The following RSU1 variants were observed in gnomAD, a reference collection of about 807,000 sequenced individuals.
RSU1 encodes Ras suppressor protein 1.
In RSU1, 26 loss-of-function variants were observed where a neutral mutation model predicts 31.1. The observed-to-expected ratio is 0.84, with a 90% CI of 0.61 to 1.16. The LOEUF is 1.16. RSU1 is among the 50% of genes most tolerant of loss of function. The probability of loss-of-function intolerance (pLI) is 0.00; values close to 1 mark genes in which losing one functional copy is unlikely to be tolerated. For synonymous variants in RSU1, 164 were observed against 136.3 expected (o/e 1.20, Z -1.41); for missense variants, 320 against 339.1 (o/e 0.94, Z 0.44).
At chr10:16,756,974 T>G (rs1368358969) in intron 4 of RSU1, among the ~76,000 whole-genome samples, 1 of 149,594 alleles carries the variant, frequency 6.7e-6, no homozygotes, top group African/African-American at 2.5e-5. Context: ...GGTATGAGTG[T>G]GGTGTGGTGT....
intron 3 of RSU1, among the ~76,000 whole-genome samples, chr10:16,768,248 G>C (rs930346604): frequency 9.2e-5 from 14 of 152,112 alleles, no homozygotes; most frequent in Non-Finnish European, 1.9e-4. Context: ...AAATAAGAAG[G>C]CTGGATTATG....
chr10:16,656,815 T>C (rs1834788814), intron 8 of RSU1, among the ~76,000 whole-genome samples: 1 of 152,146 alleles, frequency 6.6e-6, no homozygotes, highest in Non-Finnish European at 1.5e-5. Flanking sequence ...TTTAAGAAAA[T>C]GGTTTTGAAA....
At chr10:16,758,383 A>G (rs1203725544) in intron 4 of RSU1, among the ~76,000 whole-genome samples, 2 of 152,126 alleles carry the variant, frequency 1.3e-5, no homozygotes, top group African/African-American at 2.4e-5. Flanking sequence ...ATCTCCATCC[A>G]TCCACATTTT....
At chr10:16,716,196 T>C (rs1238566268) in intron 7 of RSU1, among the ~76,000 whole-genome samples, 4 of 152,136 alleles carry the variant, frequency 2.6e-5, no homozygotes, top group African/African-American at 4.8e-5. Context: ...CGGGTCTAGA[T>C]AGGGCATCAG....
intron 8 of RSU1, among the ~76,000 whole-genome samples, chr10:16,692,927 T>C (rs767199741): frequency 3.9e-5 from 6 of 152,202 alleles, no homozygotes; most frequent in Non-Finnish European, 8.8e-5. Context: ...CGGTATCATT[T>C]TGGCAATTTT....
At chr10:16,770,288 C>T (rs1837397471) in intron 3 of RSU1, among the ~76,000 whole-genome samples, 1 of 152,052 alleles carries the variant, frequency 6.6e-6, no homozygotes, top group Admixed American at 6.5e-5. Flanking sequence ...GTGCAGCCCA[C>T]GGGAGGGTCA....
intron 3 of RSU1, among the ~76,000 whole-genome samples, chr10:16,780,904 C>A (rs537184243): frequency 6.6e-6 from 1 of 152,246 alleles, no homozygotes; most frequent in African/African-American, 2.4e-5. Flanking sequence ...TGCCGTCACT[C>A]TGCCTTTGCC....
At chr10:16,812,789 A>AT (rs1309754416) in intron 2 of RSU1, among the ~76,000 whole-genome samples, 1 of 152,156 alleles carries the variant, frequency 6.6e-6, no homozygotes, top group African/African-American at 2.4e-5. Flanking sequence ...AAACACTTAA[A>AT]TAAGAGAAAT....
rs939827350 is a variant in RSU1, at chr10:16,592,721, A to G, written c.*673T>C. 6.6e-6 allele frequency: 1 copy of G among 151,900 alleles called. No homozygotes were observed. The highest frequency in any genetic ancestry group is 1.5e-5 in the Non-Finnish European group (1 of 67,982). 9.4% of individuals were successfully genotyped at this position (151,900 alleles called of 1,614,324 possible). A position where few individuals can be genotyped will look rare whatever the true frequency, so the allele number is the denominator to read the frequency against. ...TCCTAATTTAGAAAGTCTTCAAAGAAAAAAAAAACTTGACAAATTAATGTG... is the reference window on the plus strand; with the variant it reads ...TCCTAATTTAGAAAGTCTTCAAAGAGAAAAAAAACTTGACAAATTAATGTG... On this transcript the variant is annotated 3_prime_UTR_variant, in exon 9 of 9. Coordinates refer to ENST00000345264, the MANE Select transcript of RSU1 (RefSeq NM_012425.4).
chr10:16,785,606 T>C (rs1011239277), intron 2 of RSU1, among the ~76,000 whole-genome samples: 3 of 151,548 alleles, frequency 2.0e-5, no homozygotes, highest in Middle Eastern at 6.8e-3. Context: ...GCCCCCGTGA[T>C]CCAGTCACCT....
chr10:16,669,182 T>G (rs1243117718), intron 8 of RSU1, among the ~76,000 whole-genome samples: 4 of 152,078 alleles, frequency 2.6e-5, no homozygotes, highest in Non-Finnish European at 5.9e-5. Flanking sequence ...GTGCACAGTG[T>G]GACCTACAAA....
intron 8 of RSU1, among the ~76,000 whole-genome samples, chr10:16,693,168 A>T (rs1247223256): frequency 1.3e-5 from 2 of 152,014 alleles, no homozygotes; most frequent in Non-Finnish European, 2.9e-5. Flanking sequence ...GGCCAGGCTG[A>T]TCTCAAACTC....
rs191370918 is a variant in RSU1, at chr10:16,714,774, G to A, written c.599-19619C>T. On this transcript the variant is annotated intron_variant, in intron 7 of 8. Coordinates refer to ENST00000345264, the MANE Select transcript of RSU1 (RefSeq NM_012425.4). ...AAGAGTCAATTGCTACTGGTGCGCA[G>A]GGCAGGATGCACTCTAGCAGTGGGA... 6.6e-5 allele frequency among the ~76,000 whole-genome samples: 10 copies of A among 152,272 alleles called. No individual in the cohort carries two copies. The East Asian group carries it at 9.7e-4, about 15-fold the overall frequency.
At chr10:16,808,977 C>A (rs564932053) in intron 2 of RSU1, among the ~76,000 whole-genome samples, 164 of 152,286 alleles carry the variant, frequency 1.1e-3, no homozygotes, top group African/African-American at 3.8e-3. Flanking sequence ...GCAGCCAGCC[C>A]TGCTGACACT....
At chr10:16,668,244 A>G (rs1835037651) in intron 8 of RSU1, among the ~76,000 whole-genome samples, 1 of 152,208 alleles carries the variant, frequency 6.6e-6, no homozygotes, top group Non-Finnish European at 1.5e-5. Context: ...TTCTGTTATT[A>G]TCATTATTTG....
At chr10:16,771,543 C>G (rs1243144827) in intron 3 of RSU1, among the ~76,000 whole-genome samples, 1 of 152,086 alleles carries the variant, frequency 6.6e-6, no homozygotes, top group Non-Finnish European at 1.5e-5. Flanking sequence ...AATGATTATA[C>G]ATAAAGAAGA....
intron 8 of RSU1, among the ~76,000 whole-genome samples, chr10:16,606,740 T>G (rs753956255): frequency 1.3e-5 from 2 of 152,210 alleles, no homozygotes; most frequent in Admixed American, 6.5e-5. Flanking sequence ...ATTACACAGA[T>G]CTGGTGTCCC....
At chr10:16,720,291 A>T (rs1836227172) in intron 7 of RSU1, among the ~76,000 whole-genome samples, 1 of 152,246 alleles carries the variant, frequency 6.6e-6, no homozygotes, top group Non-Finnish European at 1.5e-5. Context: ...AGTTTATTAC[A>T]TAAAATATTC....
In RSU1 at chr10:16,692,645, A is replaced by T. The variant is rs184641486; in HGVS notation, c.731+2378T>A. Among the ~76,000 whole-genome samples, 149 of 152,360 alleles carry T rather than the reference A, an allele frequency of 9.8e-4. 1 individual carries two copies. The highest frequency in any genetic ancestry group is 9.3e-3 in the Admixed American group (143 of 15,296). Reference sequence around the variant, plus strand: ...AATGATTAACAATTTACAAAGAAGAAGATAAACAATCATCTGCTAATTTGT... The same window carrying T: ...AATGATTAACAATTTACAAAGAAGATGATAAACAATCATCTGCTAATTTGT... On this transcript the variant is annotated intron_variant, in intron 8 of 8. Transcript: ENST00000345264.
Sources: allele counts gnomAD v4.1 joint callset (sites outside exome capture counted in the v4.1 genomes callset), GRCh38; gene constraint gnomAD v4.1.1; transcripts MANE v1.5; gene names NCBI Gene and HGNC (gene_info 2026-07-23, HGNC 2026-07-21).